The following IL37 variants were observed in gnomAD, a reference collection of about 807,000 sequenced individuals.
IL37 encodes the protein interleukin 37.
In IL37, 15 loss-of-function variants were observed where a neutral mutation model predicts 15.4. The ratio of observed to expected loss-of-function variants is 0.98; its 90% CI spans 0.65 to 1.50. The LOEUF is 1.50. Among genes scored for constraint, IL37 ranks in the 40% most tolerant of loss-of-function variants. The probability of loss-of-function intolerance (pLI) is 0.00; values close to 1 mark genes in which losing one functional copy is unlikely to be tolerated. For synonymous variants in IL37, 98 were observed against 97.4 expected, an observed-to-expected ratio of 1.01 and a Z score of -0.03; for missense variants, 269 against 261.7, an observed-to-expected ratio of 1.03 and a Z score of -0.19.
rs1267032894 is a variant in IL37, at chr2:112,917,296, A to G, written c.265+48A>G. Reference sequence around the variant, plus strand: ...TTTTCTGCCTCCACCTAGCAGGGGTAAGGCCTCCTGCTAGGTGGGCTCAAC... The same window carrying G: ...TTTTCTGCCTCCACCTAGCAGGGGTGAGGCCTCCTGCTAGGTGGGCTCAAC... On this transcript the variant is annotated intron_variant, in intron 4 of 5. Transcript: ENST00000263326. 1.9e-6 allele frequency: 3 copies of G among 1,600,882 alleles called. 1 individual carries two copies. In the South Asian group the frequency reaches 3.4e-5, roughly 18 times the overall value.
chr2:112,916,000 G>GAGA (rs147723187), intron 3 of IL37, among the ~76,000 whole-genome samples: 14,704 of 152,200 alleles, frequency 0.097, 920 homozygotes, highest in African/African-American at 0.16. Flanking sequence ...GAGGGCTGCA[G>GAGA]GGAGATGACA....
At chr2:112,918,384 A>G (rs1683371759) in intron 5 of IL37, among the ~76,000 whole-genome samples, 177 bp from the exon 6 acceptor site, 1 of 151,810 alleles carries the variant, frequency 6.6e-6, no homozygotes. Flanking sequence ...AGAGGGCAGG[A>G]TTGCTTATCA....
chr2:112,916,795 ACTC>A (rs1465717018), intron 3 of IL37, among the ~76,000 whole-genome samples: 1 of 152,118 alleles, frequency 6.6e-6, no homozygotes. Context: ...AGTTCTCATA[ACTC>A]CTCTCTCAAG....
At chr2:112,916,069 G>A (rs972057077) in intron 3 of IL37, among the ~76,000 whole-genome samples, 6 of 152,216 alleles carry the variant, frequency 3.9e-5, no homozygotes, top group African/African-American at 1.4e-4. Flanking sequence ...GAGACCAGGA[G>A]GACATTCTAC....
chr2:112,914,499 G>C (rs1008920420), intron 3 of IL37, among the ~76,000 whole-genome samples: 9 of 152,214 alleles, frequency 5.9e-5, no homozygotes, highest in African/African-American at 2.2e-4. Context: ...CTGAGCCCCA[G>C]CTCTAGTGCA....
At position 112,917,715 on chromosome 2, in the gene IL37, G is replaced by A; in HGVS notation, c.346G>A (p.Gly116Arg). The A allele has an allele frequency of 3.1e-6, 5 of 1,613,996 alleles. No individual in the cohort carries two copies. Among genetic ancestry groups the A allele is most frequent in the Non-Finnish European group, 4.2e-6 (5 of 1,179,942 alleles). Residue 116 changes from glycine (G) to arginine (R), a missense_variant, in exon 5 of 6, where the codon GGG becomes AGG. By Grantham distance (125) the Gly-to-Arg change is moderately radical. Transcript: ENST00000263326. ...GSPILLGVSK[G>R]EFCLYCDKDK... is the part of the protein sequence containing the mutation. The stretch of plus-strand genomic sequence containing the variant: ...TCCGATTCTCCTGGGGGTCTCTAAA[G>A]GGGAGTTTTGTCTCTACTGTGACAA...
At chr2:112,912,573 C>A in intron 1 of IL37, among the ~76,000 whole-genome samples, 1 of 152,028 alleles carries the variant, frequency 6.6e-6, no homozygotes, top group Non-Finnish European at 1.5e-5. Context: ...CAGCCAGAGA[C>A]AATATGTAAA....
At chr2:112,912,904 G>C (rs2723169) in intron 1 of IL37, 59 bp from the exon 2 acceptor site, 57,945 of 740,714 alleles carry the variant, frequency 0.078, 2,799 homozygotes, top group African/African-American at 0.16. Context: ...CTAGAGACAT[G>C]CAGCAAGGTG....
intron 2 of IL37, 34 bp from the exon 3 acceptor site, chr2:112,913,758 T>G (rs762534501): frequency 3.1e-6 from 5 of 1,589,660 alleles, no homozygotes; most frequent in Non-Finnish European, 4.3e-6. Flanking sequence ...AAAATCCGAA[T>G]TGCATATGCT....
intron 2 of IL37, among the ~76,000 whole-genome samples, chr2:112,913,447 G>T (rs1255336935): frequency 1.3e-5 from 2 of 152,172 alleles, no homozygotes; most frequent in South Asian, 4.1e-4. Flanking sequence ...GCTCTCTAAG[G>T]CTGGGCTGAA....
intron 1 of IL37, 100 bp from the exon 2 acceptor site, chr2:112,912,863 C>A: frequency 1.9e-6 from 1 of 531,556 alleles, no homozygotes; most frequent in Non-Finnish European, 3.3e-6. Flanking sequence ...GCATTTCAAA[C>A]TACAGAGCAA....
chr2:112,914,201 G>A (rs550598036), intron 3 of IL37, among the ~76,000 whole-genome samples: 100 of 152,204 alleles, frequency 6.6e-4, no homozygotes, highest in African/African-American at 2.3e-3. Flanking sequence ...GGCCAGTGGG[G>A]GTGCAGGGAC....
chr2:112,914,950 C>T (rs926164550), intron 3 of IL37, among the ~76,000 whole-genome samples: 33 of 152,308 alleles, frequency 2.2e-4, no homozygotes, highest in Middle Eastern at 3.4e-3. Flanking sequence ...GTTATCGTGA[C>T]GCACCTTGAA....
intron 3 of IL37, among the ~76,000 whole-genome samples, chr2:112,915,894 G>A (rs4849132): frequency 0.37 from 55,722 of 152,064 alleles, 11,348 homozygotes; most frequent in East Asian, 0.61. Context: ...ATAGGGCAGC[G>A]AGCCAAGGAT....
At chr2:112,915,219 A>G in intron 3 of IL37, 1 of 1,614,120 alleles carries the variant, frequency 6.2e-7, no homozygotes, top group South Asian at 1.1e-5. Context: ...GGAGGGAAAC[A>G]GAAACCAAAG....
rs776222274 is a variant in IL37, at chr2:112,918,546, C to T, written c.409-15C>T. The stretch of plus-strand genomic sequence containing the variant: ...CAAAGCCTGTGCTATCTAATTAATC[C>T]CTTTTACCTCACAGAAGGAGAAACT... On this transcript the variant is annotated splice_polypyrimidine_tract_variant and intron_variant, in intron 5 of 5. Transcript: ENST00000263326. The T allele has an allele frequency of 6.2e-7, 1 of 1,604,190 alleles. No homozygotes were observed. Among genetic ancestry groups the T allele is most frequent in the Non-Finnish European group, 8.5e-7 (1 of 1,175,182 alleles).
chr2:112,915,934 G>A (rs1683300736), intron 3 of IL37, among the ~76,000 whole-genome samples: 1 of 152,174 alleles, frequency 6.6e-6, no homozygotes, highest in Non-Finnish European at 1.5e-5. Flanking sequence ...TACCACTGAC[G>A]AGTGCAGAGC....
At position 112,913,820 on chromosome 2, in the gene IL37, C is replaced by A; in HGVS notation, c.111C>A (p.Gly37=). 6.2e-7 allele frequency: 1 copy of A among 1,613,640 alleles called. No individual in the cohort carries two copies. Among genetic ancestry groups the A allele is most frequent in the Non-Finnish European group, 8.5e-7 (1 of 1,179,580 alleles). ...EDPAGSPLEP[G]PSLPTMNFVH... ...CGGCTGGAAGCCCCCTGGAACCAGGCCCAAGCCTCCCCACCATGAATTTTG... is the reference window on the plus strand; with the variant it reads ...CGGCTGGAAGCCCCCTGGAACCAGGACCAAGCCTCCCCACCATGAATTTTG... Residue 37 remains glycine, a synonymous_variant, in exon 3 of 6, where the codon GGC becomes GGA. Transcript: ENST00000263326.
At chr2:112,917,529 C>A in intron 4 of IL37, 106 bp from the exon 5 acceptor site, 1 of 1,170,148 alleles carries the variant, frequency 8.5e-7, no homozygotes, top group Non-Finnish European at 1.2e-6. Flanking sequence ...AAGTGGACCA[C>A]AGAGTCAAGG....
Sources: gnomAD v4.1 joint callset for allele counts (sites outside exome capture counted in the v4.1 genomes callset) on GRCh38, gnomAD v4.1.1 for gene constraint, MANE v1.5 for transcripts, NCBI Gene and HGNC (gene_info 2026-07-23, HGNC 2026-07-21) for gene names.